Variants in NCOA1 observed in about 807,000 individuals in gnomAD.
NCOA1 encodes Hin-2 protein.
In NCOA1, 35 loss-of-function variants were observed where a neutral mutation model predicts 150.9. The ratio of observed to expected loss-of-function variants is 0.23; its 90% CI spans 0.18 to 0.31. NCOA1 has a LOEUF of 0.31. Among genes scored for constraint, NCOA1 ranks in the 10% least tolerant of loss-of-function variants. NCOA1 has a pLI of 1.00. For missense variants in NCOA1, 1,491 were observed against 1,749.3 expected (o/e 0.85, Z 2.63); for synonymous variants, 590 against 630.0 (o/e 0.94, Z 0.95).
At chr2:24,746,893 G>A (rs1663952039) in intron 19 of NCOA1, among the ~76,000 whole-genome samples, 1 of 152,144 alleles carries the variant, frequency 6.6e-6, no homozygotes, top group Non-Finnish European at 1.5e-5. Context: ...AGTTATACAT[G>A]TGAGTGAATG....
chr2:24,715,881 G>A (rs1674010581), intron 14 of NCOA1, among the ~76,000 whole-genome samples: 5 of 152,096 alleles, frequency 3.3e-5, no homozygotes, highest in South Asian at 2.1e-4. Flanking sequence ...AGTGGCTCAC[G>A]CCTGTAATCC....
At chr2:24,618,798 C>G (rs980579629) in intron 3 of NCOA1, among the ~76,000 whole-genome samples, 10 of 151,996 alleles carry the variant, frequency 6.6e-5, no homozygotes, top group Non-Finnish European at 1.5e-4. Flanking sequence ...TAATGAAAAT[C>G]CATCCATTTT....
intron 20 of NCOA1, among the ~76,000 whole-genome samples, chr2:24,757,208 C>G (rs1664546278): frequency 6.6e-6 from 1 of 152,174 alleles, no homozygotes; most frequent in Admixed American, 6.5e-5. Context: ...AAATGTGATT[C>G]ACCAGGGCTT....
At chr2:24,553,323 A>C (rs1404600005) in intron 1 of NCOA1, among the ~76,000 whole-genome samples, 1 of 151,446 alleles carries the variant, frequency 6.6e-6, no homozygotes, top group Non-Finnish European at 1.5e-5. Flanking sequence ...AGTTCAAGTG[A>C]TTCTCCTGCC....
At position 24,706,614 on chromosome 2, in the gene NCOA1, T is replaced by C. The variant is rs774397971; in HGVS notation, c.1144T>C (p.Ser382Pro). ...SPQDDTNSGM[S>P]IPRVNPSVNP... ...TCAAGATGACACTAATTCTGGAATG[T>C]CAATTCCCCGAGTAAATCCCTCGGT... The change falls in exon 13 of 23, where the codon TCA becomes CCA. Residue 382 changes from serine to proline, a missense_variant. By Grantham distance (74) the Ser-to-Pro change is moderately conservative. Coordinates refer to ENST00000348332, the MANE Select transcript of NCOA1 (RefSeq NM_003743.5). 3.1e-6 allele frequency: 5 copies of C among 1,614,102 alleles called. No individual in the cohort carries two copies. The highest frequency in any genetic ancestry group is 3.4e-6 in the Non-Finnish European group (4 of 1,179,944).
chr2:24,732,682 A>G (rs1193494614), intron 17 of NCOA1, among the ~76,000 whole-genome samples: 1 of 152,206 alleles, frequency 6.6e-6, no homozygotes, highest in Non-Finnish European at 1.5e-5. Flanking sequence ...TTGACAATCC[A>G]AAATGAAAGC....
intron 2 of NCOA1, among the ~76,000 whole-genome samples, chr2:24,565,852 A>T (rs1666481431): frequency 6.6e-6 from 1 of 152,064 alleles, no homozygotes; most frequent in Non-Finnish European, 1.5e-5. Flanking sequence ...CTGTGTCTGG[A>T]CTAGGTGTAT....
At position 24,516,978 on chromosome 2, in the gene NCOA1, A is replaced by ATATACGTATATATACGTG. The variant is rs1664218417; in HGVS notation, c.-396+25390_-396+25391insCGTGTATACGTATATATA. Among the ~76,000 whole-genome samples, 2 of 39,068 alleles carry ATATACGTATATATACGTG rather than the reference A, an allele frequency of 5.1e-5. 1 individual carries two copies. The highest frequency in any genetic ancestry group is 4.2e-3 in the East Asian group (2 of 476). 25.6% of individuals were successfully genotyped at this position (39,068 alleles called of 152,430 possible). A position where few individuals can be genotyped will look rare whatever the true frequency, so the allele number is the denominator to read the frequency against. ...CAAGTATATATACGTATATATACAC[A>ATATACGTATATATACGTG]TATACGTATATATATACACACGCGC... On this transcript the variant is annotated intron_variant, in intron 1 of 22. Coordinates refer to ENST00000348332, the MANE Select transcript of NCOA1 (RefSeq NM_003743.5).
At chr2:24,633,074 A>G (rs776821964) in intron 3 of NCOA1, among the ~76,000 whole-genome samples, 12 of 152,204 alleles carry the variant, frequency 7.9e-5, no homozygotes, top group Non-Finnish European at 1.6e-4. Context: ...AACTTGATGT[A>G]TATGTATGCA....
chr2:24,628,398 G>A (rs1247548700), intron 3 of NCOA1, among the ~76,000 whole-genome samples: 1 of 151,982 alleles, frequency 6.6e-6, no homozygotes, highest in Non-Finnish European at 1.5e-5. Flanking sequence ...TCTTTGACCA[G>A]TTTAATGATC....
At chr2:24,573,496 G>A (rs1395879230) in intron 2 of NCOA1, among the ~76,000 whole-genome samples, 1 of 152,100 alleles carries the variant, frequency 6.6e-6, no homozygotes, top group East Asian at 1.9e-4. Context: ...TTGTATGGAT[G>A]CATTTAATGC....
At chr2:24,630,100 C>G (rs1449316323) in intron 3 of NCOA1, among the ~76,000 whole-genome samples, 1 of 152,012 alleles carries the variant, frequency 6.6e-6, no homozygotes, top group Non-Finnish European at 1.5e-5. Flanking sequence ...CCGTCTCGGC[C>G]TCCCAAAGTG....
chr2:24,576,178 T>TTTG (rs1558806656), intron 2 of NCOA1, among the ~76,000 whole-genome samples: 9 of 73,752 alleles, frequency 1.2e-4, no homozygotes, highest in African/African-American at 3.9e-4. Flanking sequence ...TTGTTTTTTT[T>TTTG]TTTTTTTTTT....
intron 1 of NCOA1, among the ~76,000 whole-genome samples, chr2:24,525,138 G>T (rs531200866): frequency 6.6e-6 from 1 of 152,268 alleles, no homozygotes; most frequent in East Asian, 1.9e-4. Context: ...AATTACTAGG[G>T]ATGGTACTTT....
intron 7 of NCOA1, among the ~76,000 whole-genome samples, chr2:24,681,930 G>C (rs1185281107): frequency 3.3e-5 from 5 of 152,108 alleles, no homozygotes; most frequent in Admixed American, 3.3e-4. Flanking sequence ...TGGCCAGGAT[G>C]GTCTCCATCT....
intron 8 of NCOA1, among the ~76,000 whole-genome samples, chr2:24,688,117 G>A (rs975861482): frequency 1.1e-4 from 16 of 152,146 alleles, no homozygotes; most frequent in African/African-American, 3.9e-4. Context: ...AGTATTCCAT[G>A]GTGTGTATGT....
chr2:24,685,682 G>A (rs1330458764), intron 8 of NCOA1, among the ~76,000 whole-genome samples: 1 of 152,174 alleles, frequency 6.6e-6, no homozygotes, highest in Non-Finnish European at 1.5e-5. Flanking sequence ...AGGCCTCATC[G>A]TTGGTAGGAA....
At chr2:24,503,766 T>A (rs1188615839) in intron 1 of NCOA1, among the ~76,000 whole-genome samples, 1 of 150,522 alleles carries the variant, frequency 6.6e-6, no homozygotes, top group Non-Finnish European at 1.5e-5. Flanking sequence ...ACAAGAGTCT[T>A]GCTCTGTCGT....
intron 3 of NCOA1, among the ~76,000 whole-genome samples, chr2:24,610,733 T>A (rs1668585904): frequency 6.6e-6 from 1 of 151,684 alleles, no homozygotes; most frequent in East Asian, 1.9e-4. Flanking sequence ...TCTGGCTCTT[T>A]CTAATAGTGC....
Sources: gnomAD v4.1 joint callset for allele counts (sites outside exome capture counted in the v4.1 genomes callset) on GRCh38, gnomAD v4.1.1 for gene constraint, MANE v1.5 for transcripts, NCBI Gene and HGNC (gene_info 2026-07-23, HGNC 2026-07-21) for gene names.